TMEM38B: variants seen among roughly 807,000 people sequenced by gnomAD.
TMEM38B encodes transmembrane protein 38B, also known as trimeric intracellular cation channel type B.
In TMEM38B, 24 loss-of-function variants were observed where a neutral mutation model predicts 28.7. That is an observed-to-expected ratio of 0.84 (90% CI 0.61 to 1.18). The LOEUF (loss-of-function observed/expected upper bound fraction) is 1.18. Among genes scored for constraint, TMEM38B ranks in the 50% most tolerant of loss-of-function variants. TMEM38B has a pLI of 0.00. For missense variants in TMEM38B, 380 were observed against 350.9 expected (o/e 1.08, Z -0.66); for synonymous variants, 131 against 127.7 (o/e 1.03, Z -0.17).
chr9:105,749,514 A>G (rs936759680), intron 5 of TMEM38B, among the ~76,000 whole-genome samples: 1 of 152,166 alleles, frequency 6.6e-6, no homozygotes, highest in African/African-American at 2.4e-5. Flanking sequence ...CCCTTGTACA[A>G]TTCAAGGTGA....
At chr9:105,762,943 T>C (rs1466173001) in intron 5 of TMEM38B, among the ~76,000 whole-genome samples, 3 of 139,696 alleles carry the variant, frequency 2.1e-5, no homozygotes, top group Non-Finnish European at 4.5e-5. Context: ...TTTTAATGAT[T>C]GCCATTCTAA....
At chr9:105,703,378 C>G (rs1365925361) in intron 1 of TMEM38B, among the ~76,000 whole-genome samples, 4 of 152,192 alleles carry the variant, frequency 2.6e-5, no homozygotes, top group African/African-American at 9.7e-5. Context: ...GACATGAACT[C>G]ATCATTTTTT....
intron 4 of TMEM38B, among the ~76,000 whole-genome samples, chr9:105,739,513 T>C (rs1473886897): frequency 5.9e-5 from 9 of 152,190 alleles, no homozygotes; most frequent in Admixed American, 5.9e-4. Context: ...TGCTGTCTTA[T>C]AACAATATTA....
intron 4 of TMEM38B, among the ~76,000 whole-genome samples, chr9:105,739,934 G>A (rs1837134086): frequency 6.6e-6 from 1 of 151,788 alleles, no homozygotes; most frequent in African/African-American, 2.4e-5. Flanking sequence ...CTAGGTTGGA[G>A]TGCAGTGGTG....
intron 4 of TMEM38B, among the ~76,000 whole-genome samples, chr9:105,732,630 G>A (rs530564010): frequency 1.1e-3 from 161 of 149,590 alleles, no homozygotes; most frequent in Non-Finnish European, 1.9e-3. Context: ...TATGTGTGGT[G>A]TTATTTCTGA....
intron 5 of TMEM38B, among the ~76,000 whole-genome samples, chr9:105,763,186 A>C (rs1838128853): frequency 6.6e-6 from 1 of 151,318 alleles, no homozygotes; most frequent in Non-Finnish European, 1.5e-5. Flanking sequence ...AGGTTGTGAA[A>C]ATTTTCTCCC....
chr9:105,762,442 G>A (rs1309086285), intron 5 of TMEM38B, among the ~76,000 whole-genome samples: 1 of 129,564 alleles, frequency 7.7e-6, no homozygotes, highest in Non-Finnish European at 1.6e-5. Context: ...AGAGTGTGAT[G>A]TTCCCCTTCC....
At chr9:105,773,817 A>G in intron 5 of TMEM38B, 48 bp from the exon 6 acceptor site, 1 of 1,559,344 alleles carries the variant, frequency 6.4e-7, no homozygotes, top group Non-Finnish European at 8.8e-7. Flanking sequence ...CTCTTGAGAA[A>G]CAGAAATCAT....
chr9:105,737,352 C>T (rs1174329704), intron 4 of TMEM38B, among the ~76,000 whole-genome samples: 3 of 151,242 alleles, frequency 2.0e-5, no homozygotes, highest in African/African-American at 2.4e-5. Context: ...AGTAAGAGTC[C>T]CAGAGTCAAG....
chr9:105,748,508 G>A (rs1837518667), intron 5 of TMEM38B, among the ~76,000 whole-genome samples: 1 of 152,146 alleles, frequency 6.6e-6, no homozygotes, highest in Non-Finnish European at 1.5e-5. Flanking sequence ...GTAAAATGAG[G>A]CACTTGAGAT....
At chr9:105,742,925 G>T (rs1303999917) in intron 4 of TMEM38B, among the ~76,000 whole-genome samples, 1 of 152,028 alleles carries the variant, frequency 6.6e-6, no homozygotes, top group East Asian at 1.9e-4. Context: ...TGGGAATGTT[G>T]TAAAACTTTT....
chr9:105,737,242 T>C (rs1837017742), intron 4 of TMEM38B, among the ~76,000 whole-genome samples: 1 of 152,068 alleles, frequency 6.6e-6, no homozygotes, highest in Admixed American at 6.5e-5. Context: ...TTTGTTCCCA[T>C]GGGGCAGGGA....
intron 4 of TMEM38B, among the ~76,000 whole-genome samples, chr9:105,745,723 C>G (rs963871610): frequency 2.0e-5 from 3 of 152,118 alleles, no homozygotes; most frequent in Admixed American, 6.5e-5. Flanking sequence ...GGTTTTAGGT[C>G]TAACATTTCA....
At chr9:105,704,206 C>T (rs538468810) in intron 1 of TMEM38B, among the ~76,000 whole-genome samples, 4 of 151,278 alleles carry the variant, frequency 2.6e-5, no homozygotes, top group African/African-American at 9.7e-5. Context: ...ACAATGTGCA[C>T]ATGTACCCTA....
intron 5 of TMEM38B, among the ~76,000 whole-genome samples, chr9:105,748,858 A>T (rs13291641): frequency 0.037 from 5,676 of 152,270 alleles, 143 homozygotes; most frequent in Non-Finnish European, 0.055. Flanking sequence ...TGTTCATACC[A>T]TGATTAAGTA....
chr9:105,718,536 C>A (rs1836197561), intron 2 of TMEM38B, among the ~76,000 whole-genome samples: 1 of 152,152 alleles, frequency 6.6e-6, no homozygotes, highest in East Asian at 1.9e-4. Context: ...CCGTGCCCTG[C>A]CCATTTGATT....
intron 5 of TMEM38B, among the ~76,000 whole-genome samples, chr9:105,769,011 G>T (rs1466047946): frequency 1.3e-5 from 2 of 152,074 alleles, no homozygotes; most frequent in African/African-American, 4.8e-5. Flanking sequence ...AAGTTGCATG[G>T]CAAAAGCCAC....
intron 4 of TMEM38B, among the ~76,000 whole-genome samples, chr9:105,727,847 T>G (rs1836573050): frequency 6.6e-6 from 1 of 152,162 alleles, no homozygotes; most frequent in Admixed American, 6.5e-5. Context: ...AAGTGAGTTC[T>G]TGTTCACTGA....
intron 4 of TMEM38B, among the ~76,000 whole-genome samples, chr9:105,732,527 G>A (rs569734467): frequency 6.6e-6 from 1 of 152,228 alleles, no homozygotes; most frequent in South Asian, 2.1e-4. Flanking sequence ...TTCTACATGT[G>A]GCTAGCCAGT....
Sources: gnomAD v4.1 joint callset for allele counts (sites outside exome capture counted in the v4.1 genomes callset) on GRCh38, gnomAD v4.1.1 for gene constraint, MANE v1.5 for transcripts, NCBI Gene and HGNC (gene_info 2026-07-23, HGNC 2026-07-21) for gene names.